Variants in SAMD3 observed in about 807,000 individuals in gnomAD.
SAMD3 encodes sterile alpha motif domain containing 3.
Under a neutral mutation model 58.5 loss-of-function variants are expected in SAMD3, and 63 were observed. The ratio of observed to expected loss-of-function variants is 1.08; its 90% CI spans 0.88 to 1.33. The LOEUF is 1.33. SAMD3 is among the 40% of genes most tolerant of loss of function. The pLI is 0.00. For synonymous variants in SAMD3, 220 were observed against 210.3 expected, an observed-to-expected ratio of 1.05 and a Z score of -0.40; for missense variants, 604 against 608.4, an observed-to-expected ratio of 0.99 and a Z score of 0.08.
At chr6:130,215,657 A>G (rs1361972178) in intron 2 of SAMD3, 1 of 1,403,132 alleles carries the variant, frequency 7.1e-7, no homozygotes, top group Non-Finnish European at 9.2e-7. Context: ...GAAAGGTGTG[A>G]AATTCACCAC....
intron 1 of SAMD3, among the ~76,000 whole-genome samples, chr6:130,324,860 C>A (rs962388293): frequency 6.6e-6 from 1 of 151,918 alleles, no homozygotes; most frequent in East Asian, 1.9e-4. Flanking sequence ...TCAGCCTACA[C>A]ACAAGAACAA....
chr6:130,236,164 AT>A (rs1773137932), intron 2 of SAMD3, among the ~76,000 whole-genome samples: 1 of 152,208 alleles, frequency 6.6e-6, no homozygotes, highest in South Asian at 2.1e-4. Flanking sequence ...TAGGAATTTT[AT>A]TTAATAGCAA....
intron 1 of SAMD3, among the ~76,000 whole-genome samples, chr6:130,334,795 T>C (rs1173112940): frequency 1.3e-5 from 2 of 152,202 alleles, no homozygotes; most frequent in Non-Finnish European, 2.9e-5. Flanking sequence ...AAGCCCATGT[T>C]CCCCAACTTC....
intron 8 of SAMD3, among the ~76,000 whole-genome samples, chr6:130,175,154 T>A (rs1340648395): frequency 6.6e-6 from 1 of 152,232 alleles, no homozygotes; most frequent in East Asian, 1.9e-4. Flanking sequence ...ACTTGGTAGT[T>A]CAGACATCCT....
At chr6:130,168,862 G>T (rs767721469) in intron 8 of SAMD3, among the ~76,000 whole-genome samples, 1 of 152,088 alleles carries the variant, frequency 6.6e-6, no homozygotes, top group African/African-American at 2.4e-5. Context: ...GAGTGCAGTG[G>T]TGCATTCTCA....
intron 8 of SAMD3, 67 bp from the exon 9 acceptor site, chr6:130,155,092 A>G: frequency 2.4e-6 from 3 of 1,258,796 alleles, no homozygotes; most frequent in Non-Finnish European, 3.5e-6. Context: ...TCAGGCTGTT[A>G]TTGCACACTC....
chr6:130,189,115 A>AC (rs1474529974), intron 5 of SAMD3, among the ~76,000 whole-genome samples: 1 of 151,910 alleles, frequency 6.6e-6, no homozygotes, highest in Admixed American at 6.6e-5. Context: ...AAAAAAAAAA[A>AC]AAACCAAAAA....
chr6:130,247,896 G>T (rs1185236338), intron 2 of SAMD3, among the ~76,000 whole-genome samples: 4 of 152,128 alleles, frequency 2.6e-5, no homozygotes, highest in Non-Finnish European at 2.9e-5. Context: ...CATTACAGTT[G>T]TCTACCTCTA....
chr6:130,283,247 T>G (rs1289656518), intron 2 of SAMD3, among the ~76,000 whole-genome samples: 2 of 152,028 alleles, frequency 1.3e-5, no homozygotes, highest in Non-Finnish European at 2.9e-5. Flanking sequence ...GTAGGAGAAA[T>G]TAACAGATAT....
In SAMD3 at chr6:130,215,293, A is replaced by G; in HGVS notation, c.-20T>C. The G allele has an allele frequency of 6.4e-7, 1 of 1,568,332 alleles. No individual in the cohort carries two copies. Among genetic ancestry groups the G allele is most frequent in the Non-Finnish European group, 8.7e-7 (1 of 1,150,666 alleles). On this transcript the variant is annotated splice_region_variant and 5_prime_UTR_variant, in exon 3 of 12. Transcript: ENST00000439090. ...TTCCATTGCTGTCTCCTGTAAATACACCTGTAGAGCAAAAGGTCAGAGAAT... is the reference window on the plus strand; with the variant it reads ...TTCCATTGCTGTCTCCTGTAAATACGCCTGTAGAGCAAAAGGTCAGAGAAT...
intron 1 of SAMD3, among the ~76,000 whole-genome samples, chr6:130,323,036 T>G (rs953970547): frequency 6.6e-6 from 1 of 152,164 alleles, no homozygotes; most frequent in African/African-American, 2.4e-5. Context: ...CATTGACATA[T>G]AAAATAAAAC....
At chr6:130,273,038 A>AT (rs879727071) in intron 2 of SAMD3, among the ~76,000 whole-genome samples, 6 of 150,272 alleles carry the variant, frequency 4.0e-5, no homozygotes, top group African/African-American at 1.5e-4. Flanking sequence ...TTCTTTATTG[A>AT]TTTTTTTATG....
intron 1 of SAMD3, among the ~76,000 whole-genome samples, chr6:130,360,478 T>C (rs574991297): frequency 6.3e-4 from 96 of 152,270 alleles, no homozygotes; most frequent in African/African-American, 2.2e-3. Flanking sequence ...TAAGTTTTTA[T>C]TAGGGACTTT....
intron 4 of SAMD3, among the ~76,000 whole-genome samples, chr6:130,211,932 C>T (rs1359783994): frequency 6.7e-6 from 1 of 149,822 alleles, no homozygotes; most frequent in East Asian, 1.9e-4. Context: ...ATCACAGACT[C>T]TTTAGAACGG....
chr6:130,324,785 T>G (rs1385856527), intron 1 of SAMD3, among the ~76,000 whole-genome samples: 1 of 151,694 alleles, frequency 6.6e-6, no homozygotes, highest in Non-Finnish European at 1.5e-5. Context: ...TTTTTTTTTT[T>G]GGAATAGAAA....
intron 8 of SAMD3, among the ~76,000 whole-genome samples, chr6:130,169,698 G>A (rs1033308558): frequency 1.3e-5 from 2 of 152,170 alleles, no homozygotes; most frequent in African/African-American, 2.4e-5. Context: ...GAAAAACCAC[G>A]AAGAGTGTAG....
At chr6:130,198,253 G>A (rs1297871460) in intron 5 of SAMD3, among the ~76,000 whole-genome samples, 6 of 152,160 alleles carry the variant, frequency 3.9e-5, no homozygotes, top group Admixed American at 3.9e-4. Flanking sequence ...ATCCAGGCAG[G>A]AGTGAAGTGG....
At chr6:130,260,532 C>T (rs1214053414) in intron 2 of SAMD3, among the ~76,000 whole-genome samples, 1 of 152,184 alleles carries the variant, frequency 6.6e-6, no homozygotes, top group African/African-American at 2.4e-5. Context: ...GGAGTCTTGC[C>T]AATGCTCCCG....
intron 2 of SAMD3, among the ~76,000 whole-genome samples, chr6:130,248,913 C>G (rs1053998364): frequency 6.6e-6 from 1 of 152,172 alleles, no homozygotes; most frequent in Admixed American, 6.5e-5. Context: ...AGATGTAAAA[C>G]TTGATTAAAA....
Sources: allele counts gnomAD v4.1 joint callset (sites outside exome capture counted in the v4.1 genomes callset), GRCh38; gene constraint gnomAD v4.1.1; transcripts MANE v1.5; gene names NCBI Gene and HGNC (gene_info 2026-07-23, HGNC 2026-07-21).